Variants in ZNF671 observed in about 807,000 individuals in gnomAD.
The protein encoded by ZNF671 is hypothetical protein FLJ23506.
ZNF671 carries 19 observed loss-of-function variants against 16.6 expected under a neutral mutation model. The ratio of observed to expected loss-of-function variants is 1.14; its 90% confidence interval spans 0.80 to 1.68. The LOEUF (loss-of-function observed/expected upper bound fraction) is 1.68. Ranked by LOEUF, ZNF671 falls within the 40% of genes most tolerant of loss-of-function variation. The probability of loss-of-function intolerance (pLI) is 0.00; values close to 1 mark genes in which losing one functional copy is unlikely to be tolerated. For missense variants in ZNF671, 637 were observed against 659.8 expected, an observed-to-expected ratio of 0.97 and a Z score of 0.38; for synonymous variants, 238 against 236.3, an observed-to-expected ratio of 1.01 and a Z score of -0.06.
intron 1 of ZNF671, among the ~76,000 whole-genome samples, chr19:57,725,940 A>T (rs73561426): frequency 0.18 from 26,876 of 151,998 alleles, 2,654 homozygotes; most frequent in East Asian, 0.37. Flanking sequence ...CTCCAAAAAA[A>T]AAATAAATAA....
In ZNF671 at chr19:57,720,174, C is replaced by A; in HGVS notation, c.*307G>T. 5.4e-6 allele frequency: 2 copies of A among 372,204 alleles called. No individual in the cohort carries two copies. Among genetic ancestry groups the A allele is most frequent in the Non-Finnish European group, 9.9e-6 (2 of 202,644 alleles). 23.1% of individuals were successfully genotyped at this position (372,204 alleles called of 1,614,324 possible). A position where few individuals can be genotyped will look rare whatever the true frequency, so the allele number is the denominator to read the frequency against. ...TGCTGAAAGCATCTCACATACTTGA[C>A]ACTCACAGGGAATCTCCCCAGTGGG... On this transcript the variant is annotated 3_prime_UTR_variant, in exon 4 of 4. Transcript: ENST00000317398.
chr19:57,722,138 T>C (rs1985896489), intron 3 of ZNF671, 178 bp downstream of exon 3: 1 of 1,001,884 alleles, frequency 1.0e-6, no homozygotes, highest in South Asian at 1.6e-5. Flanking sequence ...AGGCCAGAGG[T>C]GAGGGTGGCA....
intron 1 of ZNF671, among the ~76,000 whole-genome samples, chr19:57,726,145 AC>A (rs1467697554): frequency 6.4e-5 from 4 of 62,594 alleles, no homozygotes; most frequent in South Asian, 5.2e-4. Flanking sequence ...CCACCTCCCC[AC>A]CCCCGTCTCT....
rs780707616 is a variant in ZNF671, at chr19:57,721,506, A to C, written c.580T>G (p.Cys194Gly). ...GGKARQKPYL[C>G]GACGKQFWFS... Reference sequence around the variant, plus strand: ...CAGAATTGCTTTCCACATGCCCCACACAAGTATGGTTTCTGCCTGGCTTTT... The same window carrying C: ...CAGAATTGCTTTCCACATGCCCCACCCAAGTATGGTTTCTGCCTGGCTTTT... Residue 194 changes from cysteine to glycine, a missense_variant, in exon 4 of 4, where the codon TGT (cysteine) becomes GGT (glycine). Physicochemically the swap from Cys to Gly is radical, Grantham distance 159. Transcript: ENST00000317398. The C allele has an allele frequency of 6.2e-7, 1 of 1,614,168 alleles. No homozygotes were observed. Among genetic ancestry groups the C allele is most frequent in the Non-Finnish European group, 8.5e-7 (1 of 1,180,028 alleles).
intron 2 of ZNF671, among the ~76,000 whole-genome samples, chr19:57,722,963 T>C (rs535430799): frequency 6.6e-6 from 1 of 151,466 alleles, no homozygotes; most frequent in Non-Finnish European, 1.5e-5. Context: ...GGCATCATAA[T>C]TTTGGACAGA....
Position 57,721,452 on chromosome 19 carries a change from T to G in ZNF671, c.634A>C (p.Asn212His). 2 of 1,614,254 alleles carry G rather than the reference T, an allele frequency of 1.2e-6. No individual in the cohort carries two copies. The highest frequency in any genetic ancestry group is 2.2e-5 in the South Asian group (2 of 91,092). The change falls in exon 4 of 4, where the codon AAC (asparagine) becomes CAC (histidine). Residue 212 changes from asparagine to histidine, a missense_variant. Transcript: ENST00000317398. ...WFSTDFDQHQ[N>H]QPNGGKLFPR... ...AAAAGTTTCCCTCCATTGGGCTGGT[T>G]CTGGTGCTGGTCAAAGTCTGTACTG... is the stretch of plus-strand genomic sequence containing the variant.
intron 3 of ZNF671, 58 bp downstream of exon 3, chr19:57,722,257 TA>T: frequency 6.2e-7 from 1 of 1,605,124 alleles, no homozygotes; most frequent in Non-Finnish European, 8.5e-7. Flanking sequence ...TGTGAACAGT[TA>T]ATGTTGCCAG....
At chr19:57,725,631 AAAAACAAAAC>A (rs748837216) in intron 1 of ZNF671, among the ~76,000 whole-genome samples, 2 of 151,040 alleles carry the variant, frequency 1.3e-5, no homozygotes, top group Non-Finnish European at 3.0e-5. Context: ...TCCATCTCAA[AAAAACAAAAC>A]AAAACAAAAC....
intron 1 of ZNF671, among the ~76,000 whole-genome samples, chr19:57,723,582 G>A (rs780098858): frequency 2.6e-5 from 4 of 151,970 alleles, no homozygotes; most frequent in Admixed American, 6.6e-5. Flanking sequence ...ACTCCCCTGG[G>A]GTACCCAAGA....
chr19:57,721,675 A>G lies in ZNF671; in HGVS notation c.411T>C (p.Asp137=). The G allele has an allele frequency of 1.9e-6, 3 of 1,613,514 alleles. No homozygotes were observed. The highest frequency in any genetic ancestry group is 2.5e-6 in the Non-Finnish European group (3 of 1,179,470). Residue 137 remains aspartate, a synonymous_variant, in exon 4 of 4, where the codon GAT becomes GAC. Transcript: ENST00000317398. The stretch of plus-strand genomic sequence containing the variant: ...TGCTCTGCTCAGAAGATACCTCTTC[A>G]TCCTCCACTCCATGCCAACAACCTG... ...LRPGCWHGVE[D]EEVSSEQSIF... is the part of the protein sequence containing the mutation.
Position 57,720,577 on chromosome 19 carries a change from CCCAGTGTGGA to C in ZNF671, c.1499_1508del (p.Val500GlyfsTer55). The C allele has an allele frequency of 6.2e-7, 1 of 1,614,064 alleles. No homozygotes were observed. Among genetic ancestry groups the C allele is most frequent in the Non-Finnish European group, 8.5e-7 (1 of 1,179,992 alleles). ...ACTCACTACACACATAAGGCCTTTCCCCAGTGTGGACTTTCCAGTGCCTGATGAGGTTGGG... is the reference window on the plus strand; with the variant it reads ...ACTCACTACACACATAAGGCCTTTCCCTTTCCAGTGCCTGATGAGGTTGGG... On this transcript the variant is annotated frameshift_variant, in exon 4 of 4. Transcript: ENST00000317398. LOFTEE classifies it low-confidence loss of function (END_TRUNC).
chr19:57,727,140 C>T (rs1232138117), intron 1 of ZNF671: 1 of 401,138 alleles, frequency 2.5e-6, no homozygotes, highest in Non-Finnish European at 4.4e-6. Context: ...GCCTGCCATT[C>T]CAGTCACAGT....
At chr19:57,725,218 CT>C (rs1456036198) in intron 1 of ZNF671, among the ~76,000 whole-genome samples, 2 of 151,580 alleles carry the variant, frequency 1.3e-5, no homozygotes, top group African/African-American at 2.4e-5. Context: ...AATCCCAGCA[CT>C]TTGGGAGGCC....
At position 57,720,979 on chromosome 19, in the gene ZNF671, A is replaced by G; in HGVS notation, c.1107T>C (p.Tyr369=). 6.2e-7 allele frequency: 1 copy of G among 1,614,170 alleles called. No individual in the cohort carries two copies. The highest frequency in any genetic ancestry group is 8.5e-7 in the Non-Finnish European group (1 of 1,180,032). The stretch of plus-strand genomic sequence containing the variant: ...AAAATTTCCCACATTTGCCACACTG[A>G]TAGAGTCTTTCACCCGTGTGAACTC... ...HRRVHTGERL[Y]QCGKCGKFFS... Residue 369 remains tyrosine (Y), a synonymous_variant, in exon 4 of 4, where the codon TAT becomes TAC. Transcript: ENST00000317398.
intron 1 of ZNF671, among the ~76,000 whole-genome samples, chr19:57,725,047 C>T (rs1402805374): frequency 6.6e-6 from 1 of 152,100 alleles, no homozygotes; most frequent in African/African-American, 2.4e-5. Flanking sequence ...AAAACAGAGA[C>T]AGCATTCTGG....
rs142564911 is a variant in ZNF671, at chr19:57,727,404, G to C, written c.125C>G (p.Thr42Arg). 7.5e-5 allele frequency: 121 copies of C among 1,605,426 alleles called. No individual in the cohort carries two copies. In the African/African-American group the frequency reaches 1.6e-3, roughly 21 times the overall value. Reference protein sequence around the residue: ...VRAHGPMAELTDSARGCVVFE... With the variant: ...VRAHGPMAELRDSARGCVVFE... ...CGCAGCACCCACCCGCGCGGAGTCC[G>C]TTAGCTCCGCCATAGGACCGTGGGC... The change falls in exon 1 of 4, where the codon ACG (threonine) becomes AGG (arginine). Residue 42 changes from threonine to arginine, a missense_variant. Coordinates refer to ENST00000317398, the MANE Select transcript of ZNF671 (RefSeq NM_024833.3).
chr19:57,722,374 A>C lies in ZNF671; in HGVS notation c.330T>G (p.Tyr110Ter). 2 of 1,614,122 alleles carry C rather than the reference A, an allele frequency of 1.2e-6. No homozygotes were observed. Among genetic ancestry groups the C allele is most frequent in the Non-Finnish European group, 1.7e-6 (2 of 1,180,012 alleles). The change falls in exon 3 of 4, where the codon TAT becomes TAG. Residue 110 changes from tyrosine to a stop codon, truncating the protein, a stop_gained. Coordinates refer to ENST00000317398, the MANE Select transcript of ZNF671 (RefSeq NM_024833.3). LOFTEE classifies it high-confidence loss of function. ...TGGCTGAAGTCATATCCACCTGGTC[A>C]TACACCCAGGGCTCTTCTCCTCGCT... ...KLERGEEPWV[Y>*]DQVDMTSATE... is the part of the protein sequence containing the mutation.
In ZNF671 at chr19:57,721,153, C is replaced by T; in HGVS notation, c.933G>A (p.Arg311=). Reference sequence around the variant, plus strand: ...TCCCACATTCGTTACACTCATAAGGCCTTTCTCCAGTGTGGATTCTCTGAT... The same window carrying T: ...TCCCACATTCGTTACACTCATAAGGTCTTTCTCCAGTGTGGATTCTCTGAT... ...ARHQRIHTGE[R]PYECNECGKF... The change falls in exon 4 of 4, where the codon AGG becomes AGA. Residue 311 remains arginine (R), a synonymous_variant. Coordinates refer to ENST00000317398, the MANE Select transcript of ZNF671 (RefSeq NM_024833.3). 2 of 1,614,050 alleles carry T rather than the reference C, an allele frequency of 1.2e-6. No homozygotes were observed. Among genetic ancestry groups the T allele is most frequent in the South Asian group, 2.2e-5 (2 of 91,074 alleles).
chr19:57,722,279 A>C lies in ZNF671; in HGVS notation c.388+37T>G, dbSNP rs779185186. Reference sequence around the variant, plus strand: ...AGTTAATGTTGCCAGTTTTGAACCCAGCTTTGACATCGTGCCCTTCCCCGA... The same window carrying C: ...AGTTAATGTTGCCAGTTTTGAACCCCGCTTTGACATCGTGCCCTTCCCCGA... On this transcript the variant is annotated intron_variant, in intron 3 of 3. Coordinates refer to ENST00000317398, the MANE Select transcript of ZNF671 (RefSeq NM_024833.3). 22 of 1,610,816 alleles carry C rather than the reference A, an allele frequency of 1.4e-5. No homozygotes were observed. The African/African-American group carries it at 2.8e-4, about 21-fold the overall frequency.
Sources: gnomAD v4.1 joint callset for allele counts (sites outside exome capture counted in the v4.1 genomes callset) on GRCh38, gnomAD v4.1.1 for gene constraint, MANE v1.5 for transcripts, NCBI Gene and HGNC (gene_info 2026-07-23, HGNC 2026-07-21) for gene names.